Variants in HHIPL2 observed in about 807,000 individuals in gnomAD.
HHIPL2 encodes the protein HHIP-like protein 2.
Under a neutral mutation model 61.0 loss-of-function variants are expected in HHIPL2, and 61 were observed. The observed-to-expected ratio is 1.00, with a 90% CI of 0.81 to 1.24. The LOEUF (loss-of-function observed/expected upper bound fraction) is 1.24, where lower values mean the gene tolerates loss of function less well. Among genes scored for constraint, HHIPL2 ranks in the 50% most tolerant of loss-of-function variants. HHIPL2 has a pLI of 0.00. For missense variants in HHIPL2, 885 were observed against 910.2 expected (o/e 0.97, Z 0.36); for synonymous variants, 343 against 357.4 (o/e 0.96, Z 0.45).
chr1:222,540,709 A>C (rs1235590948), intron 3 of HHIPL2, among the ~76,000 whole-genome samples: 1 of 152,218 alleles, frequency 6.6e-6, no homozygotes, highest in Non-Finnish European at 1.5e-5. Flanking sequence ...TCAAGAAGCT[A>C]GTTATATTGT....
chr1:222,541,061 C>T (rs1432037854), intron 3 of HHIPL2, among the ~76,000 whole-genome samples: 1 of 152,124 alleles, frequency 6.6e-6, no homozygotes, highest in Non-Finnish European at 1.5e-5. Flanking sequence ...TACAGTGAGG[C>T]CCCATCTCTA....
Position 222,540,144 on chromosome 1 carries a change from C to T in HHIPL2, c.1316G>A (p.Arg439Gln), listed in dbSNP as rs766369622. 2.3e-5 allele frequency: 37 copies of T among 1,614,138 alleles called. 1 individual carries two copies. The highest frequency in any genetic ancestry group is 1.5e-4 in the Admixed American group (9 of 60,008). Residue 439 changes from arginine (R) to glutamine (Q), a missense_variant, in exon 4 of 9, where the codon CGG becomes CAG. Transcript: ENST00000343410. ...GDPITRQGRG[R>Q]IFCGDVGQNR... ...CTGGCCCACGTCCCCACAGAATATC[C>T]GGCCTCGGCCCTGGCGCGTGATGGG...
rs371812433 is a variant in HHIPL2 at position 222,528,467 on chromosome 1, C to T, written c.1724-1417G>A. ...ACTAAAAATACAAAAATTATCCAGG[C>T]GTGGTGGCACACGCCTGTGATCCCA... On this transcript the variant is annotated intron_variant, in intron 6 of 8. Transcript: ENST00000343410. Among the ~76,000 whole-genome samples, 19 of 152,244 alleles carry T rather than the reference C, an allele frequency of 1.2e-4. No homozygotes were observed. The East Asian group carries it at 1.7e-3, about 14-fold the overall frequency.
chr1:222,532,995 C>T (rs1250877436), intron 5 of HHIPL2, among the ~76,000 whole-genome samples: 1 of 152,200 alleles, frequency 6.6e-6, no homozygotes, highest in Non-Finnish European at 1.5e-5. Context: ...GGGTGCTCAT[C>T]AGAATCACCT....
intron 5 of HHIPL2, 21 bp downstream of exon 5, chr1:222,538,627 G>C (rs1313982675): frequency 1.2e-6 from 2 of 1,604,842 alleles, no homozygotes; most frequent in Admixed American, 3.4e-5. Context: ...AGAGGGAGAA[G>C]GGACATCAGT....
intron 3 of HHIPL2, among the ~76,000 whole-genome samples, chr1:222,541,579 A>T (rs1231515341): frequency 6.6e-6 from 1 of 152,152 alleles, no homozygotes; most frequent in African/African-American, 2.4e-5. Flanking sequence ...TACCTTCTCA[A>T]ATGTAAAGTA....
At chr1:222,530,736 AT>A (rs1659169576) in intron 6 of HHIPL2, among the ~76,000 whole-genome samples, 1 of 130,914 alleles carries the variant, frequency 7.6e-6, no homozygotes, top group African/African-American at 3.0e-5. Flanking sequence ...TTTTTTTTAA[AT>A]TTTTTCTTTT....
Position 222,531,981 on chromosome 1 carries a change from C to T in HHIPL2, c.1708G>A (p.Ala570Thr). ...CATTTGTTACCTGCTTCATCTTCAG[C>T]AAAGGAGATGATGAACTTGCTATGG... ...STHSKFIISF[A>T]EDEAGELYFL... The change falls in exon 6 of 9, where the codon GCT becomes ACT. Residue 570 changes from alanine (A) to threonine (T), a missense_variant. Transcript: ENST00000343410. 1 of 1,606,180 alleles carries T rather than the reference C, an allele frequency of 6.2e-7. No individual in the cohort carries two copies. The highest frequency in any genetic ancestry group is 8.5e-7 in the Non-Finnish European group (1 of 1,174,078).
At position 222,543,940 on chromosome 1, in the gene HHIPL2, T is replaced by A. The variant is rs1182062833; in HGVS notation, c.571A>T (p.Asn191Tyr). Residue 191 changes from asparagine to tyrosine, a missense_variant, in exon 2 of 9, where the codon AAC becomes TAC. Physicochemically the swap from Asn to Tyr is moderately radical, Grantham distance 143. Transcript: ENST00000343410. ...FPNVLRNDYL[N>Y]RHLGMVAQDP... ...TGGGCCACCATGCCCAGGTGGCGGT[T>A]GAGATAGTCGTTCCTCAGGACATTA... 6.2e-7 allele frequency: 1 copy of A among 1,614,118 alleles called. No homozygotes were observed. The highest frequency in any genetic ancestry group is 1.1e-5 in the South Asian group (1 of 91,076).
In HHIPL2 at chr1:222,544,095, G is replaced by T; in HGVS notation, c.416C>A (p.Ala139Asp). Residue 139 changes from alanine to aspartate, a missense_variant, in exon 2 of 9, where the codon GCC becomes GAC. Physicochemically the swap from Ala to Asp is moderately radical, Grantham distance 126. Coordinates refer to ENST00000343410, the MANE Select transcript of HHIPL2 (RefSeq NM_024746.4). ...LPGLCSDYCSAFHSNCHSAIS... is the reference protein window; with the variant it reads ...LPGLCSDYCSDFHSNCHSAIS... ...GGCTGAGTGACAGTTAGAATGGAAG[G>T]CAGAGCAGTAATCAGAGCAGAGGCC... 6.2e-7 allele frequency: 1 copy of T among 1,614,198 alleles called. No homozygotes were observed.
At chr1:222,523,747 G>A in intron 7 of HHIPL2, 53 bp from the exon 8 acceptor site, 1 of 1,546,894 alleles carries the variant, frequency 6.5e-7, no homozygotes, top group Non-Finnish European at 8.9e-7. Context: ...GATGCAACCG[G>A]AAAATCAAGG....
intron 6 of HHIPL2, among the ~76,000 whole-genome samples, chr1:222,527,503 T>C (rs1376372763): frequency 6.6e-6 from 1 of 152,098 alleles, no homozygotes; most frequent in Admixed American, 6.5e-5. Context: ...TCACTCCCAT[T>C]TTCCTCTTTC....
chr1:222,539,519 ACT>A (rs1263400714), intron 4 of HHIPL2, among the ~76,000 whole-genome samples: 7 of 132,338 alleles, frequency 5.3e-5, no homozygotes, highest in Admixed American at 4.1e-4. Context: ...ACAGAGCAAG[ACT>A]CTGTCTAAAA....
intron 4 of HHIPL2, chr1:222,539,013 C>A: frequency 2.1e-6 from 1 of 482,888 alleles, no homozygotes; most frequent in Non-Finnish European, 3.7e-6. Context: ...CAAAAATTCC[C>A]TCCATCTATG....
intron 5 of HHIPL2, among the ~76,000 whole-genome samples, chr1:222,538,195 G>GGTGTGTGTGTGTGTGTGTGTGTGT (rs373452655): frequency 1.5e-5 from 2 of 136,274 alleles, no homozygotes; most frequent in Non-Finnish European, 3.2e-5. Flanking sequence ...CTCTGGCTGG[G>GGTGTGTGTGTGTGTGTGTGTGTGT]GTGTGTGTGT....
rs1273678904 is a variant in HHIPL2 at position 222,540,322 on chromosome 1, C to T, written c.1138G>A (p.Val380Ile). Residue 380 changes from valine to isoleucine, a missense_variant, in exon 4 of 9, where the codon GTT becomes ATT. By Grantham distance (29) the Val-to-Ile change is conservative. Transcript: ENST00000343410. ...GCCCTGTTCACATCGATCCTTAAAA[C>T]TTTTCCCAGCAGGGAACTTCTGAAA... ...AQNKSSLLGK[V>I]LRIDVNRAGS... 2 of 1,606,136 alleles carry T rather than the reference C, an allele frequency of 1.2e-6. No individual in the cohort carries two copies. Among genetic ancestry groups the T allele is most frequent in the African/African-American group, 2.7e-5 (2 of 74,638 alleles).
chr1:222,539,963 GC>G, intron 4 of HHIPL2, 46 bp downstream of exon 4: 1 of 1,504,714 alleles, frequency 6.6e-7, no homozygotes, highest in Non-Finnish European at 9.2e-7. Flanking sequence ...TCCACCTCCA[GC>G]CCACTCAACT....
At chr1:222,527,787 C>T (rs1167622238) in intron 6 of HHIPL2, among the ~76,000 whole-genome samples, 7 of 152,222 alleles carry the variant, frequency 4.6e-5, no homozygotes, top group Non-Finnish European at 5.9e-5. Flanking sequence ...TCATGAGCTC[C>T]GATGGTTTTA....
intron 6 of HHIPL2, among the ~76,000 whole-genome samples, chr1:222,529,610 TA>T (rs1659146929): frequency 6.6e-6 from 1 of 152,174 alleles, no homozygotes; most frequent in Admixed American, 6.5e-5. Context: ...ATATACATCT[TA>T]GGGGAGAAAA....
Sources: gnomAD v4.1 joint callset for allele counts (sites outside exome capture counted in the v4.1 genomes callset) on GRCh38, gnomAD v4.1.1 for gene constraint, MANE v1.5 for transcripts, NCBI Gene and HGNC (gene_info 2026-07-23, HGNC 2026-07-21) for gene names.